The following GRM5 variants were observed in gnomAD, a reference collection of about 807,000 sequenced individuals.
GRM5 encodes glutamate metabotropic receptor 5.
GRM5 carries 19 observed loss-of-function variants against 83.1 expected under a neutral mutation model. The observed-to-expected ratio is 0.23, with a 90% CI of 0.16 to 0.34. GRM5 has a LOEUF of 0.34. Among genes scored for constraint, GRM5 ranks in the 10% least tolerant of loss-of-function variants. GRM5 has a pLI of 1.00. For missense variants in GRM5, 1,160 were observed against 1,588.3 expected (o/e 0.73, Z 4.58); for synonymous variants, 675 against 633.6 (o/e 1.07, Z -0.98).
At chr11:88,741,568 A>G (rs888378657) in intron 3 of GRM5, among the ~76,000 whole-genome samples, 6 of 152,076 alleles carry the variant, frequency 3.9e-5, no homozygotes, top group African/African-American at 1.4e-4. Context: ...AACACATACA[A>G]TGTGCCATGA....
At chr11:88,817,466 C>A (rs928713236) in intron 3 of GRM5, among the ~76,000 whole-genome samples, 7 of 151,982 alleles carry the variant, frequency 4.6e-5, no homozygotes, top group African/African-American at 1.7e-4. Context: ...AGTTTCATGT[C>A]ATCATGTGAT....
intron 3 of GRM5, among the ~76,000 whole-genome samples, chr11:88,783,599 A>G (rs1943014318): frequency 6.6e-6 from 1 of 152,098 alleles, no homozygotes; most frequent in South Asian, 2.1e-4. Flanking sequence ...TGATTTTCCA[A>G]GAGTTTCACT....
At chr11:88,714,356 G>A (rs1393217086) in intron 3 of GRM5, among the ~76,000 whole-genome samples, 1 of 151,986 alleles carries the variant, frequency 6.6e-6, no homozygotes, top group Non-Finnish European at 1.5e-5. Flanking sequence ...ATGCATAAAG[G>A]TGGTGGGTAG....
chr11:88,613,763 C>G (rs1310766035), intron 4 of GRM5, among the ~76,000 whole-genome samples: 1 of 152,142 alleles, frequency 6.6e-6, no homozygotes. Context: ...GATCCAAGAA[C>G]ACTTCCTTCA....
intron 2 of GRM5, among the ~76,000 whole-genome samples, chr11:88,859,643 T>G (rs1179670676): frequency 1.9e-4 from 29 of 152,088 alleles, no homozygotes; most frequent in Non-Finnish European, 8.8e-5. Context: ...CTGTCAAATT[T>G]CAAAGCCCAT....
intron 8 of GRM5, among the ~76,000 whole-genome samples, chr11:88,562,193 AG>A (rs1942773254): frequency 6.6e-6 from 1 of 152,200 alleles, no homozygotes; most frequent in Non-Finnish European, 1.5e-5. Context: ...CTACAGTGCA[AG>A]ACTTCTCAGT....
At chr11:88,524,214 CTTTTTTTT>C (rs71470770) in intron 9 of GRM5, among the ~76,000 whole-genome samples, 10 of 101,396 alleles carry the variant, frequency 9.9e-5, no homozygotes, top group Non-Finnish European at 1.5e-4. Context: ...TTCTTTCTTT[CTTTTTTTT>C]TTTTTTTTTT....
At chr11:88,737,971 G>A (rs963738627) in intron 3 of GRM5, among the ~76,000 whole-genome samples, 5 of 151,962 alleles carry the variant, frequency 3.3e-5, no homozygotes, top group African/African-American at 1.2e-4. Flanking sequence ...GTTTTTGAAA[G>A]ATAGATGTGA....
intron 3 of GRM5, among the ~76,000 whole-genome samples, chr11:88,778,892 A>T (rs886330981): frequency 2.0e-5 from 3 of 152,226 alleles, no homozygotes; most frequent in African/African-American, 7.2e-5. Context: ...TACATTTTAC[A>T]TAACATTTTC....
intron 8 of GRM5, among the ~76,000 whole-genome samples, chr11:88,558,007 T>A (rs1942666161): frequency 6.6e-6 from 1 of 152,136 alleles, no homozygotes; most frequent in South Asian, 2.1e-4. Flanking sequence ...CACTTCATAC[T>A]CTAAAACATT....
chr11:88,620,116 G>A (rs534880889), intron 4 of GRM5, among the ~76,000 whole-genome samples: 1 of 152,276 alleles, frequency 6.6e-6, no homozygotes, highest in African/African-American at 2.4e-5. Context: ...ACAGAAATGT[G>A]TTTATATCTC....
intron 2 of GRM5, among the ~76,000 whole-genome samples, chr11:89,038,853 T>C (rs1481255979): frequency 6.6e-6 from 1 of 152,202 alleles, no homozygotes; most frequent in African/African-American, 2.4e-5. Context: ...TGGATCTAAA[T>C]CCTTGCTCTG....
chr11:88,815,324 C>A (rs923624419), intron 3 of GRM5, among the ~76,000 whole-genome samples: 1 of 152,056 alleles, frequency 6.6e-6, no homozygotes, highest in Non-Finnish European at 1.5e-5. Context: ...TTTATAATAA[C>A]TCATGTGTCA....
chr11:88,761,189 A>T (rs1444017181), intron 3 of GRM5, among the ~76,000 whole-genome samples: 1 of 152,146 alleles, frequency 6.6e-6, no homozygotes, highest in African/African-American at 2.4e-5. Context: ...TAGTATTCGA[A>T]GTCCTGGCCA....
intron 2 of GRM5, among the ~76,000 whole-genome samples, chr11:89,015,038 A>G (rs1940815369): frequency 1.3e-5 from 2 of 152,204 alleles, no homozygotes; most frequent in African/African-American, 4.8e-5. Context: ...ATGAAATCAT[A>G]TGAAACACAA....
At chr11:88,886,481 C>T (rs576615763) in intron 2 of GRM5, among the ~76,000 whole-genome samples, 8 of 152,240 alleles carry the variant, frequency 5.3e-5, no homozygotes, top group South Asian at 4.1e-4. Context: ...GCCAGCCTTA[C>T]AAGACTTGGG....
At chr11:88,653,120 T>C in intron 4 of GRM5, 48 bp downstream of exon 4, 1 of 1,161,460 alleles carries the variant, frequency 8.6e-7, no homozygotes, top group Non-Finnish European at 1.3e-6. Flanking sequence ...TTACTTAAAT[T>C]GGAACCTTAG....
rs1278836949 is a variant in GRM5 at position 89,065,880 on chromosome 11, G to A, written c.-305C>T. 1 of 152,210 alleles carries A rather than the reference G, an allele frequency of 6.6e-6. No homozygotes were observed. Among genetic ancestry groups the A allele is most frequent in the African/African-American group, 2.4e-5 (1 of 41,454 alleles). 9.4% of individuals were successfully genotyped at this position (152,210 alleles called of 1,614,324 possible). On this transcript the variant is annotated 5_prime_UTR_variant, in exon 1 of 10. Coordinates refer to ENST00000305447, the MANE Select transcript of GRM5 (RefSeq NM_001143831.3). ...CAGCTGGAGCGCTAGTGTCGGCGAT[G>A]GAGGCAGCGGTGACAGCAGGCAGAA...
chr11:88,728,413 A>AGAT (rs931641481), intron 3 of GRM5, among the ~76,000 whole-genome samples: 8 of 152,288 alleles, frequency 5.3e-5, no homozygotes, highest in Admixed American at 3.3e-4. Context: ...GCCCAGGACC[A>AGAT]GATGGATTCA....
Sources: gnomAD v4.1 joint callset for allele counts (sites outside exome capture counted in the v4.1 genomes callset) on GRCh38, gnomAD v4.1.1 for gene constraint, MANE v1.5 for transcripts, NCBI Gene and HGNC (gene_info 2026-07-23, HGNC 2026-07-21) for gene names.